Variants in RGS6 observed in about 807,000 individuals in gnomAD.
RGS6 encodes regulator of G protein signaling 6, also known as regulator of G-protein signaling 6.
In RGS6, 30 loss-of-function variants were observed where a neutral mutation model predicts 78.5. The ratio of observed to expected loss-of-function variants is 0.38; its 90% CI spans 0.29 to 0.52. The LOEUF is 0.52. Ranked by LOEUF, RGS6 falls within the 20% of genes least tolerant of loss-of-function variation. The pLI, the probability that RGS6 is intolerant of heterozygous loss-of-function variation, is 0.85. For synonymous variants in RGS6, 206 were observed against 206.0 expected (o/e 1.00, Z 0.00); for missense variants, 495 against 609.7 (o/e 0.81, Z 1.98).
At chr14:72,617,668 C>G in the RGS6 span, among the ~76,000 whole-genome samples, 1 of 152,208 alleles carries the variant, frequency 6.6e-6, no homozygotes, top group African/African-American at 2.4e-5. Flanking sequence ...TCATGCCAGG[C>G]TGCCCTGGGT....
the RGS6 span, among the ~76,000 whole-genome samples, chr14:72,625,837 G>A: frequency 6.6e-6 from 1 of 151,922 alleles, no homozygotes; most frequent in Admixed American, 6.6e-5. Context: ...CCTTTATTTG[G>A]TTATTCTTTT....
chr14:71,953,732 A>G (rs1196548330), intron 1 of RGS6, among the ~76,000 whole-genome samples: 16 of 152,182 alleles, frequency 1.1e-4, no homozygotes, highest in Non-Finnish European at 2.1e-4. Flanking sequence ...TATGAATAAG[A>G]AAAATACAAT....
chr14:72,233,345 G>T (rs1006673105), intron 2 of RGS6, among the ~76,000 whole-genome samples: 2 of 152,096 alleles, frequency 1.3e-5, no homozygotes, highest in Admixed American at 1.3e-4. Context: ...TTTCCACTTG[G>T]CCTGGAGCGT....
chr14:71,996,490 G>T (rs1386804941), intron 2 of RGS6, among the ~76,000 whole-genome samples: 2 of 152,114 alleles, frequency 1.3e-5, no homozygotes, highest in African/African-American at 2.4e-5. Flanking sequence ...GATTACCGGT[G>T]TTGTTTATGG....
rs529904866 is a variant in RGS6, at chr14:72,292,232, C to T, written c.85-59863C>T. Reference sequence around the variant, plus strand: ...GAGTCACAAGCGTAGACTTGACACCCCTGTATGGTCAACTCCAGCTGTCGT... The same window carrying T: ...GAGTCACAAGCGTAGACTTGACACCTCTGTATGGTCAACTCCAGCTGTCGT... On this transcript the variant is annotated intron_variant, in intron 2 of 17. Coordinates refer to ENST00000553525, the MANE Select transcript of RGS6 (RefSeq NM_001204424.2). 6.4e-4 allele frequency among the ~76,000 whole-genome samples: 98 copies of T among 152,284 alleles called. 2 individuals are homozygous for T. The South Asian group carries it at 0.02, about 31-fold the overall frequency.
At chr14:72,476,098 C>A (rs962366090) in intron 10 of RGS6, among the ~76,000 whole-genome samples, 1 of 152,156 alleles carries the variant, frequency 6.6e-6, no homozygotes, top group African/African-American at 2.4e-5. Flanking sequence ...TCATTTCTTT[C>A]CCATTGCAAA....
At chr14:71,981,670 G>T (rs1176134135) in intron 2 of RGS6, among the ~76,000 whole-genome samples, 17 of 151,926 alleles carry the variant, frequency 1.1e-4, no homozygotes, top group African/African-American at 4.1e-4. Context: ...CGTGCTGGGA[G>T]AACCACTGCT....
At chr14:72,116,986 A>AAG (rs1413022954) in intron 2 of RGS6, among the ~76,000 whole-genome samples, 1 of 143,684 alleles carries the variant, frequency 7.0e-6, no homozygotes, top group African/African-American at 2.5e-5. Context: ...AAAAAAAAAA[A>AAG]AGAGAGTTTA....
the RGS6 span, among the ~76,000 whole-genome samples, chr14:72,595,863 G>A: frequency 4.6e-5 from 7 of 152,224 alleles, no homozygotes; most frequent in South Asian, 6.2e-4. Context: ...GCCCATTCGC[G>A]CTGCTTAAAT....
intron 2 of RGS6, among the ~76,000 whole-genome samples, chr14:72,141,920 C>T (rs2096545633): frequency 2.0e-5 from 3 of 151,622 alleles, no homozygotes; most frequent in Non-Finnish European, 4.4e-5. Flanking sequence ...ACCCAAAGCA[C>T]CTAGAACCGT....
chr14:72,600,962 G>T, the RGS6 span, among the ~76,000 whole-genome samples: 1 of 150,024 alleles, frequency 6.7e-6, no homozygotes, highest in African/African-American at 2.5e-5. Context: ...GGGAAGGAAA[G>T]GAGGAGGAGG....
At chr14:72,258,894 G>T (rs2057588496) in intron 2 of RGS6, among the ~76,000 whole-genome samples, 1 of 152,200 alleles carries the variant, frequency 6.6e-6, no homozygotes, top group Non-Finnish European at 1.5e-5. Flanking sequence ...CTATATGCTT[G>T]CTAGGAATGA....
At chr14:72,335,990 G>C (rs1480090255) in intron 2 of RGS6, among the ~76,000 whole-genome samples, 1 of 152,182 alleles carries the variant, frequency 6.6e-6, no homozygotes, top group African/African-American at 2.4e-5. Flanking sequence ...AGTGTGAACT[G>C]GAAGCAGATG....
At chr14:72,320,596 A>T (rs561791001) in intron 2 of RGS6, among the ~76,000 whole-genome samples, 9 of 151,704 alleles carry the variant, frequency 5.9e-5, no homozygotes, top group South Asian at 2.1e-4. Context: ...AAATAAAATT[A>T]AAAAATAAAA....
At chr14:71,988,575 A>G (rs1177036773) in intron 2 of RGS6, among the ~76,000 whole-genome samples, 1 of 151,794 alleles carries the variant, frequency 6.6e-6, no homozygotes, top group Non-Finnish European at 1.5e-5. Flanking sequence ...TTTTTGAGCT[A>G]CCACGGAGGA....
intron 2 of RGS6, among the ~76,000 whole-genome samples, chr14:72,207,236 TCTG>T (rs1238164682): frequency 2.6e-5 from 4 of 152,250 alleles, no homozygotes; most frequent in African/African-American, 4.8e-5. Flanking sequence ...CATTTTGTAA[TCTG>T]CTGCTTTTAT....
chr14:72,287,246 A>G (rs2062735987), intron 2 of RGS6, among the ~76,000 whole-genome samples: 1 of 152,164 alleles, frequency 6.6e-6, no homozygotes, highest in African/African-American at 2.4e-5. Context: ...ATATAATATC[A>G]TGTCATCTGC....
intron 10 of RGS6, among the ~76,000 whole-genome samples, 183 bp downstream of exon 10, chr14:72,474,882 A>G (rs1180989320): frequency 6.6e-6 from 1 of 152,228 alleles, no homozygotes; most frequent in East Asian, 1.9e-4. Context: ...GCTAGGATAC[A>G]GTGGCAGGTC....
At chr14:72,199,164 C>T (rs2040893257) in intron 2 of RGS6, among the ~76,000 whole-genome samples, 3 of 152,142 alleles carry the variant, frequency 2.0e-5, no homozygotes, top group Admixed American at 2.0e-4. Flanking sequence ...AGTGAAGGCC[C>T]AGTGATGGAA....
Sources: gnomAD v4.1 joint callset for allele counts (sites outside exome capture counted in the v4.1 genomes callset) on GRCh38, gnomAD v4.1.1 for gene constraint, MANE v1.5 for transcripts, NCBI Gene and HGNC (gene_info 2026-07-23, HGNC 2026-07-21) for gene names.